CEP152: variants seen among roughly 807,000 people sequenced by gnomAD.
The protein encoded by CEP152 is centrosomal protein 152.
In CEP152, 132 loss-of-function variants were observed where a neutral mutation model predicts 188.9. The ratio of observed to expected loss-of-function variants is 0.70; its 90% CI spans 0.61 to 0.81. The LOEUF (loss-of-function observed/expected upper bound fraction) is 0.81, where lower values mean the gene tolerates loss of function less well. CEP152 is among the 30% of genes least tolerant of loss of function. The probability of loss-of-function intolerance (pLI) is 0.00; values close to 1 mark genes in which losing one functional copy is unlikely to be tolerated. For missense variants in CEP152, 1,914 were observed against 1,969.8 expected (o/e 0.97, Z 0.54); for synonymous variants, 649 against 666.6 (o/e 0.97, Z 0.41).
At chr15:48,765,378 C>G (rs1215225065) in intron 17 of CEP152, among the ~76,000 whole-genome samples, 4 of 151,724 alleles carry the variant, frequency 2.6e-5, no homozygotes, top group Non-Finnish European at 4.4e-5. Flanking sequence ...TTTAATTATA[C>G]TTTAAGTTTT....
At chr15:48,769,117 A>T (rs1895350559) in intron 13 of CEP152, 36 bp from the exon 14 acceptor site, 1 of 1,547,980 alleles carries the variant, frequency 6.5e-7, no homozygotes, top group Non-Finnish European at 8.8e-7. Context: ...TACAAGTTTT[A>T]AAAAATTCTA....
intron 13 of CEP152, among the ~76,000 whole-genome samples, chr15:48,770,329 T>C (rs960645771): frequency 2.0e-5 from 3 of 152,122 alleles, no homozygotes; most frequent in East Asian, 3.9e-4. Flanking sequence ...GAATTCACTA[T>C]GGCAATAGAG....
downstream of CEP152, among the ~76,000 whole-genome samples, chr15:48,734,301 T>C (rs948635097): frequency 2.0e-5 from 3 of 151,358 alleles, no homozygotes; most frequent in African/African-American, 7.3e-5. Context: ...GCAAAGTTGC[T>C]ATATTGTACC....
chr15:48,769,199 A>G lies in CEP152; in HGVS notation c.1783-118T>C, dbSNP rs556685481. 315 of 763,430 alleles carry G rather than the reference A, an allele frequency of 4.1e-4. No individual in the cohort carries two copies. The African/African-American group carries it at 4.8e-3, about 12-fold the overall frequency. 47.3% of individuals were successfully genotyped at this position (763,430 alleles called of 1,614,324 possible). ...TACAAATAATCTCCATATAGCTTTT[A>G]CTCATCTTCCCCCAATATAACTACA... On this transcript the variant is annotated intron_variant, in intron 13 of 26. Coordinates refer to ENST00000380950, the MANE Select transcript of CEP152 (RefSeq NM_001194998.2).
chr15:48,779,348 A>G lies in CEP152; in HGVS notation c.1577+1848T>C, dbSNP rs1415317860. Among the ~76,000 whole-genome samples, 6 of 152,270 alleles carry G rather than the reference A, an allele frequency of 3.9e-5. No individual in the cohort carries two copies. The East Asian group carries it at 5.8e-4, about 15-fold the overall frequency. Reference sequence around the variant, plus strand: ...AAAGGAGTTCACTCTGGTTTTTCCAACTCTCACATGTTGATATTGGATTTG... The same window carrying G: ...AAAGGAGTTCACTCTGGTTTTTCCAGCTCTCACATGTTGATATTGGATTTG... On this transcript the variant is annotated intron_variant, in intron 12 of 26. Transcript: ENST00000380950.
intron 12 of CEP152, among the ~76,000 whole-genome samples, chr15:48,774,468 C>A (rs1895755005): frequency 6.6e-6 from 1 of 152,080 alleles, no homozygotes; most frequent in Admixed American, 6.5e-5. Context: ...TAGGAAGACT[C>A]CCGGAGAGAA....
rs1330102215 is a variant in CEP152, at chr15:48,767,152, G to A, written c.2188C>T (p.Gln730Ter). The A allele has an allele frequency of 1.2e-6, 2 of 1,613,706 alleles. No individual in the cohort carries two copies. Among genetic ancestry groups the A allele is most frequent in the Non-Finnish European group, 1.7e-6 (2 of 1,180,002 alleles). ...DKLNKEVTAV[Q>*]ECYLEVCREK... Reference sequence around the variant, plus strand: ...CTGCACACTTCTAGGTAACATTCCTGCACAGCAGTCACCTCCTTATTCAAC... The same window carrying A: ...CTGCACACTTCTAGGTAACATTCCTACACAGCAGTCACCTCCTTATTCAAC... Residue 730 changes from glutamine (Q) to a stop codon, truncating the protein, a stop_gained, in exon 17 of 27, where the codon CAG (glutamine) becomes TAG (stop). Coordinates refer to ENST00000380950, the MANE Select transcript of CEP152 (RefSeq NM_001194998.2). LOFTEE classifies it high-confidence loss of function.
At chr15:48,807,024 A>G (rs1004240113) in intron 1 of CEP152, among the ~76,000 whole-genome samples, 1 of 151,966 alleles carries the variant, frequency 6.6e-6, no homozygotes, top group Admixed American at 6.6e-5. Flanking sequence ...TTCTTGGCCA[A>G]CCTCTAATTT....
chr15:48,778,998 T>C (rs1470182833), intron 12 of CEP152, among the ~76,000 whole-genome samples: 1 of 149,618 alleles, frequency 6.7e-6, no homozygotes, highest in Non-Finnish European at 1.5e-5. Context: ...GAGCACTAAG[T>C]AAATAGAAAG....
At chr15:48,793,774 A>C (rs1287656944) in intron 6 of CEP152, among the ~76,000 whole-genome samples, 2 of 152,234 alleles carry the variant, frequency 1.3e-5, no homozygotes, top group African/African-American at 4.8e-5. Flanking sequence ...TTTGAAAGTC[A>C]CTGGTTTAAG....
Position 48,768,948 on chromosome 15 carries a change from T to C in CEP152, c.1908+8A>G, listed in dbSNP as rs1048860229. On this transcript the variant is annotated splice_region_variant and intron_variant, in intron 14 of 26. Coordinates refer to ENST00000380950, the MANE Select transcript of CEP152 (RefSeq NM_001194998.2). ...TTCTCATAAAATATAAAAAATATTTTTAATCACCTGATTTTGTTGTTGTAA... is the reference window on the plus strand; with the variant it reads ...TTCTCATAAAATATAAAAAATATTTCTAATCACCTGATTTTGTTGTTGTAA... 2 of 1,476,360 alleles carry C rather than the reference T, an allele frequency of 1.4e-6. No homozygotes were observed. The highest frequency in any genetic ancestry group is 1.4e-5 in the African/African-American group (1 of 71,118). 91.5% of individuals were successfully genotyped at this position (1,476,360 alleles called of 1,614,324 possible). A position where few individuals can be genotyped will look rare whatever the true frequency, so the allele number is the denominator to read the frequency against.
chr15:48,729,096 A>C (rs768766037), intron 2 of CEP152: 1 of 152,204 alleles, frequency 6.6e-6, no homozygotes, highest in Non-Finnish European at 1.5e-5. Context: ...ACACCTCATA[A>C]ATATTTGTTT....
chr15:48,774,718 C>G (rs187847069), intron 12 of CEP152, among the ~76,000 whole-genome samples: 13 of 152,276 alleles, frequency 8.5e-5, no homozygotes, highest in African/African-American at 2.9e-4. Context: ...ATTTAAAACA[C>G]TCATACAAAT....
In CEP152 at chr15:48,739,017, A is replaced by G. The variant is rs777011470; in HGVS notation, c.4365T>C (p.Ser1455=). The part of the protein sequence containing the change: ...FGDGSCKHLN[S]LPRNVSPEFV... Reference sequence around the variant, plus strand: ...ACTCAGGAGAAACATTCCTTGGCAAACTGTTTAGGTGCTTGCAACTACCAT... The same window carrying G: ...ACTCAGGAGAAACATTCCTTGGCAAGCTGTTTAGGTGCTTGCAACTACCAT... The change falls in exon 27 of 27, where the codon AGT becomes AGC. Residue 1455 remains serine (S), a synonymous_variant. Transcript: ENST00000380950. 6.2e-7 allele frequency: 1 copy of G among 1,614,124 alleles called. No homozygotes were observed. Among genetic ancestry groups the G allele is most frequent in the African/African-American group, 1.3e-5 (1 of 75,010 alleles).
In CEP152 at chr15:48,768,984, T is replaced by A; in HGVS notation, c.1880A>T (p.Glu627Val). The A allele has an allele frequency of 6.3e-7, 1 of 1,574,928 alleles. No homozygotes were observed. The highest frequency in any genetic ancestry group is 1.1e-5 in the South Asian group (1 of 87,808). Residue 627 changes from glutamate to valine, a missense_variant, in exon 14 of 27, where the codon GAA (glutamate) becomes GTA (valine). Transcript: ENST00000380950. Reference sequence around the variant, plus strand: ...ATTTTGTTGTTGTAAAACTTGAATTTCATTTTTAAGCAGCAGAATATCATC... The same window carrying A: ...ATTTTGTTGTTGTAAAACTTGAATTACATTTTTAAGCAGCAGAATATCATC... ...VRDDILLLKN[E>V]IQVLQQQNQE...
chr15:48,756,946 G>T (rs1894324011), intron 19 of CEP152, among the ~76,000 whole-genome samples: 1 of 152,072 alleles, frequency 6.6e-6, no homozygotes, highest in African/African-American at 2.4e-5. Context: ...TATTACTTAG[G>T]AATATAGCAC....
At chr15:48,741,130 C>CTGTTTTTTTT (rs1892943009) in intron 26 of CEP152, 1 of 557,038 alleles carries the variant, frequency 1.8e-6, no homozygotes, top group African/African-American at 3.2e-5. Context: ...CCACTGCAAA[C>CTGTTTTTTTT]TTTTTTTTTT....
intron 19 of CEP152, 132 bp downstream of exon 19, chr15:48,760,003 C>T (rs1894559310): frequency 1.7e-6 from 2 of 1,150,998 alleles, no homozygotes; most frequent in Non-Finnish European, 2.6e-6. Flanking sequence ...AGGCTTTGAG[C>T]TATTGCTTAA....
chr15:48,743,010 A>G (rs1893107763), intron 24 of CEP152, among the ~76,000 whole-genome samples: 1 of 152,210 alleles, frequency 6.6e-6, no homozygotes, highest in Admixed American at 6.5e-5. Flanking sequence ...GTACATGTCA[A>G]AACAAAACCT....
Sources: allele counts gnomAD v4.1 joint callset (sites outside exome capture counted in the v4.1 genomes callset), GRCh38; gene constraint gnomAD v4.1.1; transcripts MANE v1.5; gene names NCBI Gene and HGNC (gene_info 2026-07-23, HGNC 2026-07-21).